Variants in EIF4E observed in about 807,000 individuals in gnomAD.
EIF4E encodes the protein eIF-4F 25 kDa subunit.
For synonymous variants in EIF4E, 71 were observed against 88.5 expected (o/e 0.80, Z 1.11); for missense variants, 113 against 265.6 (o/e 0.43, Z 3.99).
intron 1 of EIF4E, among the ~76,000 whole-genome samples, chr4:98,915,983 G>A (rs1021344748): frequency 6.6e-6 from 1 of 151,060 alleles, no homozygotes; most frequent in African/African-American, 2.4e-5. Context: ...TTGAGGTCAG[G>A]AGTTCGAGAC....
Position 98,916,750 on chromosome 4 carries a change from T to TC in EIF4E, c.18+12344_18+12345insG, listed in dbSNP as rs560055500. Among the ~76,000 whole-genome samples the TC allele has an allele frequency of 2.4e-3, 359 of 152,242 alleles. 1 individual carries two copies. The highest frequency in any genetic ancestry group is 7.8e-3 in the African/African-American group (326 of 41,554). On this transcript the variant is annotated intron_variant, in intron 1 of 6. Coordinates refer to ENST00000450253, the MANE Select transcript of EIF4E (RefSeq NM_001968.5). Reference sequence around the variant, plus strand: ...TGAAGAATTCTATGTCCAGCCAAACTACAGGTATGACACTTAATATTCAAG... The same window carrying TC: ...TGAAGAATTCTATGTCCAGCCAAACTCACAGGTATGACACTTAATATTCAAG...
intron 2 of EIF4E, among the ~76,000 whole-genome samples, chr4:98,892,026 G>C (rs1227016821): frequency 1.3e-5 from 2 of 152,202 alleles, no homozygotes; most frequent in Admixed American, 6.5e-5. Flanking sequence ...TGCTCTGACA[G>C]AGATAAGCAA....
chr4:98,889,556 A>G (rs1008342640), intron 3 of EIF4E, among the ~76,000 whole-genome samples: 2 of 152,208 alleles, frequency 1.3e-5, no homozygotes, highest in African/African-American at 4.8e-5. Flanking sequence ...AAAAGGACTC[A>G]ATGGTTATCT....
At chr4:98,912,295 G>A (rs568245052) in intron 1 of EIF4E, among the ~76,000 whole-genome samples, 14 of 150,986 alleles carry the variant, frequency 9.3e-5, no homozygotes, top group African/African-American at 2.7e-4. Flanking sequence ...ATTTACATAC[G>A]GCCAGGCACG....
In EIF4E at chr4:98,892,357, A is replaced by G. The variant is rs148234452; in HGVS notation, c.126-1025T>C. Among the ~76,000 whole-genome samples, 587 of 150,052 alleles carry G rather than the reference A, an allele frequency of 3.9e-3. 8 individuals are homozygous for G. The highest frequency in any genetic ancestry group is 0.014 in the African/African-American group (558 of 40,792). On this transcript the variant is annotated intron_variant, in intron 2 of 6. Coordinates refer to ENST00000450253, the MANE Select transcript of EIF4E (RefSeq NM_001968.5). ...AAAACAAACAAAAAAAAAAAACAAAAAAAACACAGCAGACACTTAAACTAT... is the reference window on the plus strand; with the variant it reads ...AAAACAAACAAAAAAAAAAAACAAAGAAAACACAGCAGACACTTAAACTAT...
intron 2 of EIF4E, among the ~76,000 whole-genome samples, chr4:98,900,061 G>A (rs891682989): frequency 1.3e-5 from 2 of 151,036 alleles, no homozygotes; most frequent in Admixed American, 1.3e-4. Flanking sequence ...AAGCTGTGAG[G>A]GATATATGCC....
intron 3 of EIF4E, among the ~76,000 whole-genome samples, chr4:98,888,343 A>C (rs756445828): frequency 1.3e-5 from 2 of 152,120 alleles, no homozygotes; most frequent in Non-Finnish European, 2.9e-5. Context: ...CAAAAACAAA[A>C]ACAAAAACCA....
At chr4:98,886,760 T>G (rs1723937941) in intron 5 of EIF4E, 1 of 368,058 alleles carries the variant, frequency 2.7e-6, no homozygotes, top group Non-Finnish European at 5.2e-6. Flanking sequence ...ATAGCAATGC[T>G]GTAAGAGGGT....
chr4:98,887,786 TC>T lies in EIF4E; in HGVS notation c.285+102del, dbSNP rs1723985377. 1.0e-6 allele frequency: 1 copy of T among 975,462 alleles called. No homozygotes were observed. Among genetic ancestry groups the T allele is most frequent in the Admixed American group, 2.0e-5 (1 of 49,956 alleles). The allele number at this position is 975,462 out of a possible 1,614,324, so 60.4% of individuals were successfully genotyped here. On this transcript the variant is annotated intron_variant, in intron 4 of 6. Transcript: ENST00000450253. This position sits in a 1 kb window ranked among gnomAD's most constrained non-coding sequence, Gnocchi z 4.0. Reference sequence around the variant, plus strand: ...ACAGCCAATTAAATTATCAGCCTATTCATCACACTATCAAATATTCCTAAGT... The same window carrying T: ...ACAGCCAATTAAATTATCAGCCTATTATCACACTATCAAATATTCCTAAGT...
chr4:98,922,088 C>A (rs1438996579), intron 1 of EIF4E, among the ~76,000 whole-genome samples: 1 of 152,164 alleles, frequency 6.6e-6, no homozygotes. Context: ...ACACATCTCC[C>A]CTTCTGAAGT....
chr4:98,894,027 G>A (rs933996712), intron 2 of EIF4E, among the ~76,000 whole-genome samples: 1 of 152,206 alleles, frequency 6.6e-6, no homozygotes, highest in Non-Finnish European at 1.5e-5. Flanking sequence ...GCTCTTGGGC[G>A]ACTAGGCGCA....
At chr4:98,889,372 A>G (rs748838831) in intron 3 of EIF4E, among the ~76,000 whole-genome samples, 1 of 152,170 alleles carries the variant, frequency 6.6e-6, no homozygotes, top group Non-Finnish European at 1.5e-5. Context: ...TAGCGCTACT[A>G]ATGTCATAAA....
At chr4:98,928,969 A>G (rs1265358065) in intron 1 of EIF4E, 126 bp downstream of exon 1, 16 of 1,577,502 alleles carry the variant, frequency 1.0e-5, no homozygotes, top group African/African-American at 2.7e-5. Flanking sequence ...GTCAGGTCCA[A>G]CATGAAGGGG....
chr4:98,896,182 G>T (rs546311904), intron 2 of EIF4E, among the ~76,000 whole-genome samples: 1 of 135,896 alleles, frequency 7.4e-6, no homozygotes, highest in Admixed American at 6.9e-5. Flanking sequence ...GTGACAGAGC[G>T]AGGCTCCATC....
intron 1 of EIF4E, among the ~76,000 whole-genome samples, chr4:98,908,744 CTA>C (rs1724985687): frequency 6.6e-6 from 1 of 152,160 alleles, no homozygotes; most frequent in Admixed American, 6.6e-5. Flanking sequence ...TCTCAACATA[CTA>C]TAAATCATCT....
At chr4:98,885,755 C>A (rs1450591872) in intron 5 of EIF4E, among the ~76,000 whole-genome samples, 1 of 152,110 alleles carries the variant, frequency 6.6e-6, no homozygotes. Context: ...TAACAGATTT[C>A]TTAATTGTGG....
chr4:98,905,558 C>G (rs1724836605), intron 1 of EIF4E, among the ~76,000 whole-genome samples: 1 of 151,934 alleles, frequency 6.6e-6, no homozygotes, highest in Admixed American at 6.6e-5. Flanking sequence ...AAAGGTCAGG[C>G]TAAAAGTGTA....
At chr4:98,882,429 T>G (rs1416510150) in intron 6 of EIF4E, among the ~76,000 whole-genome samples, 1 of 150,118 alleles carries the variant, frequency 6.7e-6, no homozygotes, top group Admixed American at 6.6e-5. Context: ...AAAGAATCTT[T>G]AGGAAAAAAA....
At position 98,887,227 on chromosome 4, in the gene EIF4E, T is replaced by C; in HGVS notation, c.286-35A>G. 1 of 1,590,650 alleles carries C rather than the reference T, an allele frequency of 6.3e-7. No individual in the cohort carries two copies. ...TAGAAGACAACAGTATTACACAACA[T>C]TGTTACCTTGACTTTGAGAGATAAT... On this transcript the variant is annotated intron_variant, in intron 4 of 6. Transcript: ENST00000450253. The surrounding 1 kb of genome is among the most constrained non-coding windows in gnomAD (Gnocchi z 4.0).
Sources: gnomAD v4.1 joint callset for allele counts (sites outside exome capture counted in the v4.1 genomes callset) on GRCh38, gnomAD v4.1.1 for gene constraint, Gnocchi (gnomAD v3.1) non-coding constraint, MANE v1.5 for transcripts, NCBI Gene and HGNC (gene_info 2026-07-23, HGNC 2026-07-21) for gene names.